The following BCAS3 variants were observed in gnomAD, a reference collection of about 807,000 sequenced individuals.
The protein encoded by BCAS3 is BCAS3 microtubule associated cell migration factor, also known as BCAS4/BCAS3 fusion.
BCAS3 carries 53 observed loss-of-function variants against 116.1 expected under a neutral mutation model. The ratio of observed to expected loss-of-function variants is 0.46; its 90% CI spans 0.37 to 0.57. The LOEUF (loss-of-function observed/expected upper bound fraction) is 0.57. Among genes scored for constraint, BCAS3 ranks in the 20% least tolerant of loss-of-function variants. BCAS3 has a pLI of 0.00. For synonymous variants in BCAS3, 391 were observed against 408.2 expected, an observed-to-expected ratio of 0.96 and a Z score of 0.51; for missense variants, 917 against 1,165.4, an observed-to-expected ratio of 0.79 and a Z score of 3.10.
Position 61,304,776 on chromosome 17 carries a change from G to A in BCAS3, c.2426-63551G>A, listed in dbSNP as rs374190259. Among the ~76,000 whole-genome samples, 78 of 149,928 alleles carry A rather than the reference G, an allele frequency of 5.2e-4. No individual in the cohort carries two copies. The East Asian group carries it at 9.0e-3, about 17-fold the overall frequency. ...CCAATCCTTTTTTTTTTTTTGAGGCGGAGTTTCGCTCTTGTCGCCCAGGTT... is the reference window on the plus strand; with the variant it reads ...CCAATCCTTTTTTTTTTTTTGAGGCAGAGTTTCGCTCTTGTCGCCCAGGTT... On this transcript the variant is annotated intron_variant, in intron 22 of 23. Transcript: ENST00000407086.
In BCAS3 at chr17:61,347,840, C is replaced by T. The variant is rs1251230095; in HGVS notation, c.2426-20487C>T. ...ATAGGACTTCACCAGGGAAGGCATT[C>T]CAGGCAGAGGGAGCAGCAGATGCAC... On this transcript the variant is annotated intron_variant, in intron 22 of 23. Coordinates refer to ENST00000407086, the MANE Select transcript of BCAS3 (RefSeq NM_017679.5). The surrounding 1 kb of genome is among the most constrained non-coding windows in gnomAD (Gnocchi z 4.3). 6.6e-6 allele frequency among the ~76,000 whole-genome samples: 1 copy of T among 152,100 alleles called. No homozygotes were observed. Among genetic ancestry groups the T allele is most frequent in the Non-Finnish European group, 1.5e-5 (1 of 68,028 alleles).
rs542593055 is a variant in BCAS3, at chr17:60,727,473, C to T, written c.321+18148C>T. On this transcript the variant is annotated intron_variant, in intron 5 of 23. Coordinates refer to ENST00000407086, the MANE Select transcript of BCAS3 (RefSeq NM_017679.5). ...CAGAAGGTTCTTCGGGTTTTAGGTACGTTGACCATCTTTGCAGCAGGGCTG... is the reference window on the plus strand; with the variant it reads ...CAGAAGGTTCTTCGGGTTTTAGGTATGTTGACCATCTTTGCAGCAGGGCTG... 148 of 1,539,424 alleles carry T rather than the reference C, an allele frequency of 9.6e-5. 1 individual carries two copies. Among genetic ancestry groups the T allele is most frequent in the African/African-American group, 1.4e-4 (10 of 72,168 alleles).
intron 9 of BCAS3, among the ~76,000 whole-genome samples, chr17:60,879,528 T>C (rs914663373): frequency 1.3e-5 from 2 of 152,210 alleles, no homozygotes; most frequent in African/African-American, 4.8e-5. Flanking sequence ...CTTGAGCAGC[T>C]GTCTGATGTG....
In BCAS3 at chr17:61,114,040, C is replaced by G. The variant is rs927377085; in HGVS notation, c.2425+29476C>G. Among the ~76,000 whole-genome samples the G allele has an allele frequency of 9.2e-5, 14 of 151,706 alleles. No homozygotes were observed. In the East Asian group the frequency reaches 2.1e-3, roughly 23 times the overall value. Reference sequence around the variant, plus strand: ...AAGGCCTTTGACAGAATTCAACAACCCTTCATGCTAAAAACTCTCAAGAAA... The same window carrying G: ...AAGGCCTTTGACAGAATTCAACAACGCTTCATGCTAAAAACTCTCAAGAAA... On this transcript the variant is annotated intron_variant, in intron 22 of 23. Coordinates refer to ENST00000407086, the MANE Select transcript of BCAS3 (RefSeq NM_017679.5).
chr17:60,745,826 A>G (rs1395815119), intron 5 of BCAS3, among the ~76,000 whole-genome samples: 5 of 152,156 alleles, frequency 3.3e-5, no homozygotes, highest in African/African-American at 1.2e-4. Flanking sequence ...AATTATCATA[A>G]GCAAAATGAA....
chr17:61,260,854 C>A (rs1336165788), intron 22 of BCAS3, among the ~76,000 whole-genome samples: 2 of 152,214 alleles, frequency 1.3e-5, no homozygotes, highest in Non-Finnish European at 2.9e-5. Context: ...CAGGATCAGG[C>A]TTTATCTTCC....
At chr17:60,998,121 T>C (rs555246194) in intron 15 of BCAS3, among the ~76,000 whole-genome samples, 2 of 152,336 alleles carry the variant, frequency 1.3e-5, no homozygotes, top group African/African-American at 2.4e-5. Flanking sequence ...TCTGTGTTAA[T>C]TTACTTAGGA....
rs997087445 is a variant in BCAS3, at chr17:61,286,453, G to A, written c.2426-81874G>A. On this transcript the variant is annotated intron_variant, in intron 22 of 23. Transcript: ENST00000407086. The surrounding 1 kb of genome is among the most constrained non-coding windows in gnomAD (Gnocchi z 4.8). ...ATGGCCAGCAGGATAGAAATCCGAC[G>A]TGGTGTTTATGACCCTGGAGGCCAT... Among the ~76,000 whole-genome samples the A allele has an allele frequency of 2.0e-5, 3 of 152,178 alleles. No individual in the cohort carries two copies. Among genetic ancestry groups the A allele is most frequent in the Non-Finnish European group, 4.4e-5 (3 of 68,036 alleles).
intron 23 of BCAS3, among the ~76,000 whole-genome samples, chr17:61,371,804 C>T (rs1164597297): frequency 6.6e-6 from 1 of 152,196 alleles, no homozygotes; most frequent in Non-Finnish European, 1.5e-5. Flanking sequence ...TCAGGCCATG[C>T]CCAGCCCTGC....
chr17:60,727,976 T>G (rs1598335592), intron 5 of BCAS3, among the ~76,000 whole-genome samples: 1 of 151,792 alleles, frequency 6.6e-6, no homozygotes, highest in Non-Finnish European at 1.5e-5. Context: ...CCTGGCTAAT[T>G]TTTCTATTTT....
chr17:61,294,162 A>G (rs2052684123), intron 22 of BCAS3, among the ~76,000 whole-genome samples: 2 of 152,252 alleles, frequency 1.3e-5, no homozygotes. Flanking sequence ...TTTAAAATAC[A>G]ATAAATGTAT....
intron 9 of BCAS3, among the ~76,000 whole-genome samples, chr17:60,880,493 T>C (rs1262154297): frequency 1.3e-5 from 2 of 152,330 alleles, no homozygotes; most frequent in Middle Eastern, 3.4e-3. Context: ...TTTCACCATG[T>C]GGGCCAGGAT....
At chr17:61,127,863 A>G (rs1451532026) in intron 22 of BCAS3, among the ~76,000 whole-genome samples, 1 of 151,700 alleles carries the variant, frequency 6.6e-6, no homozygotes, top group Non-Finnish European at 1.5e-5. Context: ...AAAATAATAC[A>G]TATACACACG....
At chr17:61,201,117 C>T (rs1391370202) in intron 22 of BCAS3, among the ~76,000 whole-genome samples, 1 of 152,050 alleles carries the variant, frequency 6.6e-6, no homozygotes, top group East Asian at 1.9e-4. Context: ...GAAATAAATA[C>T]ATTTTAACCC....
intron 22 of BCAS3, among the ~76,000 whole-genome samples, chr17:61,284,946 G>A (rs903403493): frequency 1.3e-5 from 2 of 152,214 alleles, no homozygotes; most frequent in African/African-American, 4.8e-5. Context: ...TTGAATGAAT[G>A]TATAAGTGAA....
At chr17:61,164,749 A>G (rs1250721226) in intron 22 of BCAS3, among the ~76,000 whole-genome samples, 2 of 152,136 alleles carry the variant, frequency 1.3e-5, no homozygotes, top group Non-Finnish European at 2.9e-5. Context: ...AGCCAAATAA[A>G]CCTTTGTTCT....
At chr17:61,301,562 G>C (rs540419840) in intron 22 of BCAS3, among the ~76,000 whole-genome samples, 1 of 152,132 alleles carries the variant, frequency 6.6e-6, no homozygotes. Flanking sequence ...GCTTGAACCC[G>C]GGAGGTGGAG....
Position 61,198,114 on chromosome 17 carries a change from A to C in BCAS3, c.2425+113550A>C, listed in dbSNP as rs1474818915. Among the ~76,000 whole-genome samples, 1 of 151,688 alleles carries C rather than the reference A, an allele frequency of 6.6e-6. No homozygotes were observed. On this transcript the variant is annotated intron_variant, in intron 22 of 23. Coordinates refer to ENST00000407086, the MANE Select transcript of BCAS3 (RefSeq NM_017679.5). This position sits in a 1 kb window ranked among gnomAD's most constrained non-coding sequence, Gnocchi z 5.0. ...GTGGATGTTTGCTGATATGCGATTA[A>C]GATAAAGTGCAAGATATGTTTTTTT...
At chr17:61,308,484 G>A (rs2054033149) in intron 22 of BCAS3, among the ~76,000 whole-genome samples, 1 of 150,726 alleles carries the variant, frequency 6.6e-6, no homozygotes, top group Non-Finnish European at 1.5e-5. Flanking sequence ...CTAAACACAT[G>A]CTTACAAATG....
Sources: allele counts gnomAD v4.1 joint callset (sites outside exome capture counted in the v4.1 genomes callset), GRCh38; gene constraint gnomAD v4.1.1; non-coding constraint Gnocchi (gnomAD v3.1); transcripts MANE v1.5; gene names NCBI Gene and HGNC (gene_info 2026-07-23, HGNC 2026-07-21).